The following CACNA1C variants were observed in gnomAD, a reference collection of about 807,000 sequenced individuals.
The protein encoded by CACNA1C is voltage-dependent L-type calcium channel subunit alpha-1C.
A neutral mutation model predicts 229.0 loss-of-function variants in CACNA1C; 30 were observed. The observed-to-expected ratio is 0.13, with a 90% confidence interval of 0.10 to 0.18. CACNA1C has a LOEUF of 0.18. Ranked by LOEUF, CACNA1C falls within the 10% of genes least tolerant of loss-of-function variation. The probability of loss-of-function intolerance (pLI) is 1.00; values close to 1 mark genes in which losing one functional copy is unlikely to be tolerated. For synonymous variants in CACNA1C, 1,114 were observed against 1,132.5 expected (o/e 0.98, Z 0.33); for missense variants, 1,658 against 2,845.0 (o/e 0.58, Z 9.49).
upstream of CACNA1C, among the ~76,000 whole-genome samples, chr12:2,051,856 G>A (rs975250525): frequency 6.6e-6 from 1 of 152,220 alleles, no homozygotes; most frequent in Non-Finnish European, 1.5e-5. Flanking sequence ...CTGGAATTCA[G>A]GAGAGAGGTC....
intron 1 of CACNA1C, chr12:2,004,554 G>T: frequency 1.4e-6 from 2 of 1,398,300 alleles, no homozygotes; most frequent in Non-Finnish European, 1.9e-6. Context: ...AGGCCTTCCG[G>T]CTCCAGTCAC....
chr12:2,528,541 C>T (rs2099831757), intron 9 of CACNA1C, among the ~76,000 whole-genome samples: 1 of 152,240 alleles, frequency 6.6e-6, no homozygotes. Flanking sequence ...AGCCCAGCCC[C>T]ACCATCTGCC....
At chr12:2,472,436 A>G (rs904126013) in intron 5 of CACNA1C, among the ~76,000 whole-genome samples, 3 of 152,058 alleles carry the variant, frequency 2.0e-5, no homozygotes, top group African/African-American at 7.2e-5. Flanking sequence ...TTACTTTTCA[A>G]TTATGGAATT....
At chr12:2,070,164 G>T (rs1357529067) in intron 1 of CACNA1C, among the ~76,000 whole-genome samples, 2 of 152,160 alleles carry the variant, frequency 1.3e-5, no homozygotes, top group African/African-American at 2.4e-5. Flanking sequence ...GGTCGAGCGG[G>T]AAGAGTATAA....
intron 3 of CACNA1C, among the ~76,000 whole-genome samples, chr12:2,358,761 A>G (rs1594028037): frequency 6.6e-6 from 1 of 152,082 alleles, no homozygotes; most frequent in Admixed American, 6.5e-5. Flanking sequence ...CTCTTGGGAA[A>G]TATTTAGAAA....
At chr12:2,434,067 T>C (rs571667614) in intron 3 of CACNA1C, among the ~76,000 whole-genome samples, 40 of 152,280 alleles carry the variant, frequency 2.6e-4, no homozygotes, top group African/African-American at 9.4e-4. Context: ...GCTCCAATGG[T>C]CCCGGGGGAT....
chr12:2,369,133 C>T (rs1186792718), intron 3 of CACNA1C, among the ~76,000 whole-genome samples: 1 of 152,226 alleles, frequency 6.6e-6, no homozygotes, highest in Non-Finnish European at 1.5e-5. Context: ...AGAAAATTTG[C>T]ATCCTCCTAT....
intron 3 of CACNA1C, among the ~76,000 whole-genome samples, chr12:2,166,723 A>G (rs997669590): frequency 6.6e-6 from 1 of 152,222 alleles, no homozygotes; most frequent in Non-Finnish European, 1.5e-5. Flanking sequence ...CCATACAGGC[A>G]CTCAATAAAA....
chr12:2,500,394 G>T (rs563873551), intron 7 of CACNA1C, among the ~76,000 whole-genome samples: 3 of 152,296 alleles, frequency 2.0e-5, no homozygotes, highest in Non-Finnish European at 2.9e-5. Context: ...AATCTCCAAG[G>T]CGCGTGGGTT....
rs1049410234 is a variant in CACNA1C, at chr12:2,486,337, C to T, written c.916+75C>T. The T allele has an allele frequency of 8.5e-6, 11 of 1,294,536 alleles. No homozygotes were observed. Among genetic ancestry groups the T allele is most frequent in the South Asian group, 1.4e-5 (1 of 69,070 alleles). The allele number at this position is 1,294,536 out of a possible 1,614,324, so 80.2% of individuals were successfully genotyped here. ...CCAGCACCTTTCCCGCTGCTGGCTA[C>T]ACCAACATGACCAGCAGAGCCCAGG... On this transcript the variant is annotated intron_variant, in intron 6 of 46. Transcript: ENST00000399655. The surrounding 1 kb of genome is among the most constrained non-coding windows in gnomAD (Gnocchi z 4.9).
intron 3 of CACNA1C, among the ~76,000 whole-genome samples, chr12:2,390,757 G>A (rs1162291049): frequency 6.6e-6 from 1 of 152,126 alleles, no homozygotes; most frequent in East Asian, 1.9e-4. Context: ...GAGAGCAAGA[G>A]CTAAAGCTGA....
Position 2,410,580 on chromosome 12 carries a change from A to T in CACNA1C, c.478-38396A>T, listed in dbSNP as rs189852276. Among the ~76,000 whole-genome samples the T allele has an allele frequency of 4.5e-3, 686 of 151,512 alleles. 21 individuals carry two copies. The highest frequency in any genetic ancestry group is 1.2e-3 in the Non-Finnish European group (83 of 67,830). On this transcript the variant is annotated intron_variant, in intron 3 of 46. Transcript: ENST00000399655. This position sits in a 1 kb window ranked among gnomAD's most constrained non-coding sequence, Gnocchi z 5.3. Reference sequence around the variant, plus strand: ...CTGGACCCTGTGCATGTGCGTGTGCATGCGTGTGTGTGTTCCAGGAGCTGA... The same window carrying T: ...CTGGACCCTGTGCATGTGCGTGTGCTTGCGTGTGTGTGTTCCAGGAGCTGA...
intron 1 of CACNA1C, among the ~76,000 whole-genome samples, chr12:1,998,906 T>C (rs1291408780): frequency 1.3e-5 from 2 of 152,200 alleles, no homozygotes; most frequent in African/African-American, 4.8e-5. Flanking sequence ...CATTCAAAAT[T>C]TAAGTACTCT....
chr12:2,511,237 C>T (rs2099782981), intron 8 of CACNA1C, among the ~76,000 whole-genome samples: 2 of 152,294 alleles, frequency 1.3e-5, no homozygotes, highest in African/African-American at 4.8e-5. Flanking sequence ...TAAAAAGTTC[C>T]CTAGGCCCCA....
intron 3 of CACNA1C, among the ~76,000 whole-genome samples, chr12:2,362,986 C>T (rs1015574331): frequency 9.2e-5 from 14 of 152,232 alleles, no homozygotes; most frequent in African/African-American, 2.7e-4. Context: ...TCCCAGTGGC[C>T]GTAACAGGCT....
chr12:2,680,813 G>T (rs578160828), intron 42 of CACNA1C, among the ~76,000 whole-genome samples: 1 of 152,358 alleles, frequency 6.6e-6, no homozygotes, highest in Admixed American at 6.5e-5. Context: ...CTTTCTGCAA[G>T]GTTGGCTGGT....
rs766599054 is a variant in CACNA1C, at chr12:2,509,195, G to A, written c.1218-3617G>A. Among the ~76,000 whole-genome samples the A allele has an allele frequency of 1.1e-4, 17 of 152,144 alleles. No homozygotes were observed. In the East Asian group the frequency reaches 1.2e-3, roughly 10 times the overall value. On this transcript the variant is annotated intron_variant, in intron 8 of 46. Transcript: ENST00000399655. ...AGGCATTTTACAGCCAGGAAGTATC[G>A]CTGGACCATGGCCCACAGTTAAGAC...
At chr12:2,087,836 C>T (rs1328975656) in intron 1 of CACNA1C, among the ~76,000 whole-genome samples, 1 of 152,196 alleles carries the variant, frequency 6.6e-6, no homozygotes, top group Non-Finnish European at 1.5e-5. Flanking sequence ...CTGCTTTTGA[C>T]TCTGACCTTG....
chr12:2,160,350 A>G (rs969840604), intron 3 of CACNA1C, among the ~76,000 whole-genome samples: 10 of 152,346 alleles, frequency 6.6e-5, no homozygotes, highest in African/African-American at 2.2e-4. Context: ...TAACTGTGAC[A>G]TGTACTCACT....
Sources: gnomAD v4.1 joint callset for allele counts (sites outside exome capture counted in the v4.1 genomes callset) on GRCh38, gnomAD v4.1.1 for gene constraint, Gnocchi (gnomAD v3.1) non-coding constraint, MANE v1.5 for transcripts, NCBI Gene and HGNC (gene_info 2026-07-23, HGNC 2026-07-21) for gene names.